CLDN20: variants seen among roughly 807,000 people sequenced by gnomAD.
CLDN20 encodes claudin 20.
For missense variants in CLDN20, 258 were observed against 267.9 expected, an observed-to-expected ratio of 0.96 and a Z score of 0.26; for synonymous variants, 104 against 103.6, an observed-to-expected ratio of 1.00 and a Z score of -0.03.
At chr6:155,270,763 G>A (rs868464889) in intron 1 of CLDN20, among the ~76,000 whole-genome samples, 5 of 152,138 alleles carry the variant, frequency 3.3e-5, no homozygotes, top group Non-Finnish European at 5.9e-5. Context: ...CAACCATGGC[G>A]ACCAGCGAAA....
At chr6:155,267,566 A>G (rs1784715933) in intron 1 of CLDN20, among the ~76,000 whole-genome samples, 1 of 152,202 alleles carries the variant, frequency 6.6e-6, no homozygotes, top group Admixed American at 6.5e-5. Flanking sequence ...TGACGACAGC[A>G]GGTAAAACCA....
intron 1 of CLDN20, among the ~76,000 whole-genome samples, chr6:155,264,715 T>C (rs1289736958): frequency 3.3e-5 from 5 of 152,148 alleles, no homozygotes; most frequent in African/African-American, 1.2e-4. Flanking sequence ...GCAGATGTGG[T>C]AGGAAGAACT....
At chr6:155,266,556 A>C (rs1784640399) in intron 1 of CLDN20, among the ~76,000 whole-genome samples, 1 of 152,124 alleles carries the variant, frequency 6.6e-6, no homozygotes, top group Non-Finnish European at 1.5e-5. Context: ...GTTAAGAATG[A>C]CCAAATGAGG....
chr6:155,268,648 C>T lies in CLDN20; in HGVS notation c.-105+4360C>T, dbSNP rs1784771985. 2.0e-5 allele frequency among the ~76,000 whole-genome samples: 3 copies of T among 152,066 alleles called. No individual in the cohort carries two copies. The South Asian group carries it at 6.2e-4, about 32-fold the overall frequency. On this transcript the variant is annotated intron_variant, in intron 1 of 1. Transcript: ENST00000367165. ...AATGAAAACATGATCTGTGACCTTA[C>T]CCCCAACCCGGTGCTCTCTGAAACA... is the stretch of plus-strand genomic sequence containing the variant.
intron 1 of CLDN20, among the ~76,000 whole-genome samples, chr6:155,274,470 T>G (rs1199338452): frequency 6.6e-6 from 1 of 152,240 alleles, no homozygotes; most frequent in Non-Finnish European, 1.5e-5. Flanking sequence ...CACATACAAC[T>G]AATGATGTGG....
At chr6:155,265,461 C>T (rs919622717) in intron 1 of CLDN20, among the ~76,000 whole-genome samples, 1 of 151,418 alleles carries the variant, frequency 6.6e-6, no homozygotes, top group Non-Finnish European at 1.5e-5. Context: ...TCAGTACATT[C>T]GTATATTCAT....
intron 1 of CLDN20, among the ~76,000 whole-genome samples, chr6:155,274,673 G>C (rs1444696939): frequency 6.6e-6 from 1 of 152,202 alleles, no homozygotes. Flanking sequence ...ACCTCAGTCA[G>C]GATTTTGCAA....
chr6:155,275,151 A>T (rs9371878), intron 1 of CLDN20, among the ~76,000 whole-genome samples: 2 of 151,826 alleles, frequency 1.3e-5, no homozygotes, highest in African/African-American at 4.8e-5. Flanking sequence ...GTGTGAACCC[A>T]GGAGGTGGAG....
chr6:155,274,872 G>A (rs1296239474), intron 1 of CLDN20, among the ~76,000 whole-genome samples: 1 of 152,164 alleles, frequency 6.6e-6, no homozygotes, highest in East Asian at 1.9e-4. Flanking sequence ...TCTTTAAAAG[G>A]TGGCCTTAAT....
At chr6:155,268,580 AC>A (rs1784767889) in intron 1 of CLDN20, among the ~76,000 whole-genome samples, 1 of 152,260 alleles carries the variant, frequency 6.6e-6, no homozygotes, top group South Asian at 2.1e-4. Context: ...ACTAAGCAAC[AC>A]CACACACTAA....
In CLDN20 at chr6:155,264,082, G is replaced by A. The variant is rs1469006268; in HGVS notation, c.-311G>A. 8 of 152,252 alleles carry A rather than the reference G, an allele frequency of 5.3e-5. No individual in the cohort carries two copies. Among genetic ancestry groups the A allele is most frequent in the African/African-American group, 1.9e-4 (8 of 41,460 alleles). The allele number at this position is 152,252 out of a possible 1,614,324, so 9.4% of individuals were successfully genotyped here. ...AACAGGAAGCATATGGCATCTTGCA[G>A]GCTATAGGCACCACAAAATGGAACG... On this transcript the variant is annotated 5_prime_UTR_variant, in exon 1 of 2. Transcript: ENST00000367165.
At chr6:155,273,630 C>T (rs1395621097) in intron 1 of CLDN20, among the ~76,000 whole-genome samples, 1 of 151,976 alleles carries the variant, frequency 6.6e-6, no homozygotes, top group Non-Finnish European at 1.5e-5. Flanking sequence ...CAGTGTTTTC[C>T]CTGGTTCCCA....
chr6:155,275,486 C>T, intron 1 of CLDN20, 130 bp from the exon 2 acceptor site: 2 of 482,238 alleles, frequency 4.1e-6, no homozygotes. Context: ...CTCCAGCCTA[C>T]AGCATCCTCA....
chr6:155,268,538 T>C (rs1784766229), intron 1 of CLDN20, among the ~76,000 whole-genome samples: 1 of 152,170 alleles, frequency 6.6e-6, no homozygotes, highest in African/African-American at 2.4e-5. Flanking sequence ...AGAAAGACAA[T>C]AAAAGCCTAC....
Position 155,276,131 on chromosome 6 carries a change from T to C in CLDN20, c.412T>C (p.Trp138Arg). 6.2e-7 allele frequency: 1 copy of C among 1,614,156 alleles called. No individual in the cohort carries two copies. The highest frequency in any genetic ancestry group is 1.3e-5 in the African/African-American group (1 of 75,030). ...AGISSLISTV[W>R]YTKEIIANFL... ...AATCTCTAGTTTAATCTCGACAGTG[T>C]GGTACACAAAGGAGATCATAGCAAA... Residue 138 changes from tryptophan to arginine, a missense_variant, in exon 2 of 2, where the codon TGG (tryptophan) becomes CGG (arginine). Transcript: ENST00000367165.
chr6:155,276,336 A>G lies in CLDN20; in HGVS notation c.617A>G (p.Gln206Arg), dbSNP rs757889355. The G allele has an allele frequency of 6.2e-7, 1 of 1,613,618 alleles. No homozygotes were observed. The change falls in exon 2 of 2, where the codon CAG (glutamine) becomes CGG (arginine). Residue 206 changes from glutamine to arginine, a missense_variant. Physicochemically the swap from Gln to Arg is conservative, Grantham distance 43 (BLOSUM62 1). Coordinates refer to ENST00000367165, the MANE Select transcript of CLDN20 (RefSeq NM_001001346.3). ...ACACAGCAGCCTATCTCTAACACACAGCTCGAGAACAATTCCACACACAAT... is the reference window on the plus strand; with the variant it reads ...ACACAGCAGCCTATCTCTAACACACGGCTCGAGAACAATTCCACACACAAT... ...PPTQQPISNT[Q>R]LENNSTHNLK...
intron 1 of CLDN20, among the ~76,000 whole-genome samples, chr6:155,273,378 T>G (rs1785031021): frequency 6.6e-6 from 1 of 152,208 alleles, no homozygotes; most frequent in Non-Finnish European, 1.5e-5. Context: ...ACAATCCAGA[T>G]AGTCTAGGAT....
intron 1 of CLDN20, among the ~76,000 whole-genome samples, chr6:155,270,054 C>G (rs1784851855): frequency 6.6e-6 from 1 of 152,190 alleles, no homozygotes. Flanking sequence ...GGTTCTTGTT[C>G]TAGTCTGAAG....
chr6:155,264,898 C>T (rs1349537022), intron 1 of CLDN20, among the ~76,000 whole-genome samples: 5 of 152,090 alleles, frequency 3.3e-5, no homozygotes, highest in Non-Finnish European at 7.4e-5. Context: ...GTCTCTTGGT[C>T]CCAAGAGATT....
Sources: gnomAD v4.1 joint callset for allele counts (sites outside exome capture counted in the v4.1 genomes callset) on GRCh38, gnomAD v4.1.1 for gene constraint, MANE v1.5 for transcripts, NCBI Gene and HGNC (gene_info 2026-07-23, HGNC 2026-07-21) for gene names.